Variants in NMNAT2 observed in about 807,000 individuals in gnomAD.
NMNAT2 encodes the protein nicotinamide nucleotide adenylyltransferase 2.
Under a neutral mutation model 41.6 loss-of-function variants are expected in NMNAT2, and 11 were observed. That is an observed-to-expected ratio of 0.26 (90% CI 0.17 to 0.44). The LOEUF is 0.44. NMNAT2 is among the 20% of genes least tolerant of loss of function. The probability of loss-of-function intolerance (pLI) is 1.00; values close to 1 mark genes in which losing one functional copy is unlikely to be tolerated. For synonymous variants in NMNAT2, 148 were observed against 151.2 expected, an observed-to-expected ratio of 0.98 and a Z score of 0.16; for missense variants, 288 against 407.7, an observed-to-expected ratio of 0.71 and a Z score of 2.53.
chr1:183,409,537 G>A (rs920495683), intron 1 of NMNAT2, among the ~76,000 whole-genome samples: 7 of 151,952 alleles, frequency 4.6e-5, no homozygotes, highest in East Asian at 1.9e-4. Context: ...GGCTGGTCTC[G>A]AACCCTTGGC....
intron 1 of NMNAT2, among the ~76,000 whole-genome samples, chr1:183,388,207 C>T (rs768466049): frequency 2.6e-5 from 4 of 152,122 alleles, no homozygotes; most frequent in African/African-American, 7.2e-5. Context: ...CCTACCTTAG[C>T]GAGGACTACT....
chr1:183,284,116 T>A, intron 6 of NMNAT2, 77 bp from the exon 7 acceptor site: 36 of 1,066,762 alleles, frequency 3.4e-5, no homozygotes, highest in Non-Finnish European at 4.2e-5. Context: ...CCTGAGGGCC[T>A]CAGCAGGAAT....
chr1:183,258,626 G>T (rs599303), intron 10 of NMNAT2, among the ~76,000 whole-genome samples: 108,935 of 152,012 alleles, frequency 0.72, 40,538 homozygotes, highest in Middle Eastern at 0.86. Flanking sequence ...TAGCCACAAG[G>T]TTAGAAATTA....
chr1:183,325,974 C>A (rs373041922), intron 1 of NMNAT2, among the ~76,000 whole-genome samples: 1 of 152,160 alleles, frequency 6.6e-6, no homozygotes, highest in Admixed American at 6.5e-5. Context: ...GGGAGGGAGA[C>A]AAACAGCACA....
At chr1:183,345,688 CTTTTT>C (rs5779171) in intron 1 of NMNAT2, among the ~76,000 whole-genome samples, 2 of 121,984 alleles carry the variant, frequency 1.6e-5, no homozygotes, top group African/African-American at 5.8e-5. Flanking sequence ...ATATCCTTTT[CTTTTT>C]TTTTTTTTTT....
intron 1 of NMNAT2, among the ~76,000 whole-genome samples, chr1:183,380,234 G>A (rs1663773278): frequency 6.6e-6 from 1 of 152,126 alleles, no homozygotes; most frequent in South Asian, 2.1e-4. Flanking sequence ...TTTAGTCCAT[G>A]GAAACTTATG....
In NMNAT2 at chr1:183,269,267, C is replaced by T. The variant is rs12039582; in HGVS notation, c.652-7964G>A. On this transcript the variant is annotated intron_variant, in intron 8 of 10. Coordinates refer to ENST00000287713, the MANE Select transcript of NMNAT2 (RefSeq NM_015039.4). ...GGGAAAACTGTTTAAATAAACTAGGCGGGACTAGGACACACTGCGGTTGGA... is the reference window on the plus strand; with the variant it reads ...GGGAAAACTGTTTAAATAAACTAGGTGGGACTAGGACACACTGCGGTTGGA... Among the ~76,000 whole-genome samples the T allele has an allele frequency of 2.1e-3, 327 of 152,188 alleles. 6 individuals carry two copies. The East Asian group carries it at 0.053, about 24-fold the overall frequency.
At chr1:183,385,903 A>G (rs900201331) in intron 1 of NMNAT2, among the ~76,000 whole-genome samples, 4 of 152,156 alleles carry the variant, frequency 2.6e-5, no homozygotes, top group African/African-American at 9.7e-5. Flanking sequence ...CCACGTGTCT[A>G]TTTAGAAAGA....
chr1:183,416,642 G>T (rs1410684222), intron 1 of NMNAT2, among the ~76,000 whole-genome samples: 1 of 152,204 alleles, frequency 6.6e-6, no homozygotes, highest in Non-Finnish European at 1.5e-5. Flanking sequence ...GAATGGTGAA[G>T]AAGGGATGGC....
chr1:183,304,704 G>A (rs200999981), intron 1 of NMNAT2: 22 of 1,613,932 alleles, frequency 1.4e-5, no homozygotes, highest in Non-Finnish European at 1.7e-5. Flanking sequence ...AGAGCCCCTG[G>A]CAGGCCTGAA....
intron 1 of NMNAT2, among the ~76,000 whole-genome samples, chr1:183,358,261 C>T (rs1453026377): frequency 6.6e-6 from 1 of 152,034 alleles, no homozygotes; most frequent in Non-Finnish European, 1.5e-5. Flanking sequence ...CTCACTGGGA[C>T]CTGTCAGAGG....
At chr1:183,339,128 C>G (rs895733114) in intron 1 of NMNAT2, among the ~76,000 whole-genome samples, 1 of 151,988 alleles carries the variant, frequency 6.6e-6, no homozygotes, top group African/African-American at 2.4e-5. Flanking sequence ...GATGGAGTCT[C>G]GCTCTGTCGC....
At chr1:183,300,254 T>A (rs552130217) in intron 1 of NMNAT2, among the ~76,000 whole-genome samples, 1 of 151,978 alleles carries the variant, frequency 6.6e-6, no homozygotes, top group Non-Finnish European at 1.5e-5. Flanking sequence ...ATACAAAAAT[T>A]AGCCAGGCGT....
chr1:183,351,422 G>A (rs1243152942), intron 1 of NMNAT2, among the ~76,000 whole-genome samples: 1 of 151,334 alleles, frequency 6.6e-6, no homozygotes, highest in Non-Finnish European at 1.5e-5. Context: ...AGCTCCAGGG[G>A]TGCTGAGGAC....
chr1:183,341,121 G>A (rs960422572), intron 1 of NMNAT2, among the ~76,000 whole-genome samples: 4 of 152,200 alleles, frequency 2.6e-5, no homozygotes, highest in African/African-American at 7.2e-5. Context: ...GCCCACCTAA[G>A]AGTAATAGCC....
intron 1 of NMNAT2, among the ~76,000 whole-genome samples, chr1:183,325,003 C>G (rs1462139567): frequency 6.6e-6 from 1 of 152,188 alleles, no homozygotes; most frequent in Admixed American, 6.5e-5. Context: ...GGGTTCATGA[C>G]AGTGACCAAG....
intron 10 of NMNAT2, among the ~76,000 whole-genome samples, chr1:183,259,435 C>G (rs1192892036): frequency 6.6e-6 from 1 of 152,212 alleles, no homozygotes; most frequent in African/African-American, 2.4e-5. Flanking sequence ...GATGGCAATG[C>G]TCTCCATCTT....
intron 1 of NMNAT2, among the ~76,000 whole-genome samples, chr1:183,345,118 TCTC>T (rs140221240): frequency 0.51 from 76,757 of 151,200 alleles, 21,366 homozygotes; most frequent in East Asian, 0.86. Flanking sequence ...AATCTTCTCT[TCTC>T]CTCCCCCACC....
At chr1:183,405,848 C>A (rs1168180434) in intron 1 of NMNAT2, among the ~76,000 whole-genome samples, 1 of 152,210 alleles carries the variant, frequency 6.6e-6, no homozygotes, top group East Asian at 1.9e-4. Flanking sequence ...AGTGTCTTTG[C>A]TATTCCAAAG....
Sources: gnomAD v4.1 joint callset for allele counts (sites outside exome capture counted in the v4.1 genomes callset) on GRCh38, gnomAD v4.1.1 for gene constraint, MANE v1.5 for transcripts, NCBI Gene and HGNC (gene_info 2026-07-23, HGNC 2026-07-21) for gene names.